Variants in PLXNA4 observed in about 807,000 individuals in gnomAD.
PLXNA4 encodes the protein plexin-A4.
Under a neutral mutation model 191.8 loss-of-function variants are expected in PLXNA4, and 44 were observed. The ratio of observed to expected loss-of-function variants is 0.23; its 90% CI spans 0.18 to 0.29. PLXNA4 has a LOEUF of 0.29. Ranked by LOEUF, PLXNA4 falls within the 10% of genes least tolerant of loss-of-function variation. The probability of loss-of-function intolerance (pLI) is 1.00; values close to 1 mark genes in which losing one functional copy is unlikely to be tolerated. For synonymous variants in PLXNA4, 1,082 were observed against 1,009.5 expected (o/e 1.07, Z -1.36); for missense variants, 1,800 against 2,488.8 (o/e 0.72, Z 5.89).
At chr7:132,262,957 G>C (rs1363427662) in intron 4 of PLXNA4, among the ~76,000 whole-genome samples, 1 of 152,162 alleles carries the variant, frequency 6.6e-6, no homozygotes, top group Non-Finnish European at 1.5e-5. Flanking sequence ...CAAATAGTGG[G>C]TGGCTCAGTG....
chr7:132,266,999 CA>C (rs1799882868), intron 4 of PLXNA4, among the ~76,000 whole-genome samples: 1 of 152,158 alleles, frequency 6.6e-6, no homozygotes, highest in South Asian at 2.1e-4. Context: ...CATCTAGCAG[CA>C]GACCATATAC....
chr7:132,124,124 C>T lies in PLXNA4; in HGVS notation c.*6355G>A, dbSNP rs961496167. On this transcript the variant is annotated 3_prime_UTR_variant, in exon 32 of 32. Transcript: ENST00000321063. ...AGCCAACACACGACTAAGCAAAGAC[C>T]GTATGTCTCAAGGACACCAGGCCAA... is the stretch of plus-strand genomic sequence containing the variant. The T allele has an allele frequency of 1.6e-4, 24 of 152,200 alleles. No homozygotes were observed. Among genetic ancestry groups the T allele is most frequent in the African/African-American group, 7.2e-5 (3 of 41,450 alleles). 9.4% of individuals were successfully genotyped at this position (152,200 alleles called of 1,614,324 possible).
rs375592352 is a variant in PLXNA4 at position 132,462,925 on chromosome 7, C to G, written c.1371+26367G>C. 3.8e-4 allele frequency among the ~76,000 whole-genome samples: 56 copies of G among 146,480 alleles called. 1 individual carries two copies. The East Asian group carries it at 7.1e-3, about 19-fold the overall frequency. On this transcript the variant is annotated intron_variant, in intron 3 of 31. Coordinates refer to ENST00000321063, the MANE Select transcript of PLXNA4 (RefSeq NM_020911.2). ...AGTACAATGGTGCAATCTTGGCTCACTGCAACCTCTGCCTGTCAGGTTCAA... is the reference window on the plus strand; with the variant it reads ...AGTACAATGGTGCAATCTTGGCTCAGTGCAACCTCTGCCTGTCAGGTTCAA...
intron 3 of PLXNA4, among the ~76,000 whole-genome samples, chr7:132,394,141 C>G (rs967362179): frequency 1.1e-4 from 17 of 152,150 alleles, no homozygotes; most frequent in African/African-American, 4.1e-4. Flanking sequence ...GGGAAGGGAA[C>G]AGTTTGTGCT....
At chr7:132,196,726 T>A (rs1797265146) in intron 13 of PLXNA4, among the ~76,000 whole-genome samples, 1 of 152,216 alleles carries the variant, frequency 6.6e-6, no homozygotes, top group Non-Finnish European at 1.5e-5. Context: ...CCTTACACCA[T>A]GAGTGAAGGA....
At chr7:132,286,424 G>A (rs898423801) in intron 4 of PLXNA4, among the ~76,000 whole-genome samples, 6 of 152,158 alleles carry the variant, frequency 3.9e-5, no homozygotes, top group African/African-American at 7.2e-5. Context: ...ACAGGACACC[G>A]GCGCTAAGTT....
intron 1 of PLXNA4, among the ~76,000 whole-genome samples, chr7:132,531,413 TAATAGTC>T (rs1799611377): frequency 6.6e-6 from 1 of 152,226 alleles, no homozygotes; most frequent in South Asian, 2.1e-4. Context: ...CTATTTCTCT[TAATAGTC>T]TATAAGGTAG....
Position 132,233,016 on chromosome 7 carries a change from C to A in PLXNA4, c.1605-4547G>T, listed in dbSNP as rs149520404. Among the ~76,000 whole-genome samples, 473 of 152,254 alleles carry A rather than the reference C, an allele frequency of 3.1e-3. 1 individual carries two copies. The highest frequency in any genetic ancestry group is 5.7e-3 in the Non-Finnish European group (388 of 68,024). ...CTCCCTACTTCTCCCTGCAGATGAT[C>A]CCCAATCCTTAACATTTCACATTTG... On this transcript the variant is annotated intron_variant, in intron 5 of 31. Coordinates refer to ENST00000321063, the MANE Select transcript of PLXNA4 (RefSeq NM_020911.2).
intron 14 of PLXNA4, among the ~76,000 whole-genome samples, chr7:132,189,030 AAGAGAG>A (rs3085197): frequency 0.015 from 896 of 61,694 alleles, 19 homozygotes; most frequent in Non-Finnish European, 0.02. Context: ...GAGAGAGAGA[AAGAGAG>A]AGAGAGAGAG....
intron 3 of PLXNA4, among the ~76,000 whole-genome samples, chr7:132,393,240 G>A (rs1205370076): frequency 3.9e-5 from 1 of 25,714 alleles, no homozygotes; most frequent in Non-Finnish European, 7.1e-5. Flanking sequence ...CACCCAAGAA[G>A]ACTCTCCCAC....
rs1178123734 is a variant in PLXNA4, at chr7:132,384,836, TTATCCTACCATA to T, written c.1372-86626_1372-86615del. ...CAGAAGTGGACAGATGAGCATAAGG[TTATCCTACCATA>T]TATCAGGCCCAAGAGATAACTATAT... is the stretch of plus-strand genomic sequence containing the variant. On this transcript the variant is annotated intron_variant, in intron 3 of 31. Transcript: ENST00000321063. 4.4e-6 allele frequency: 5 copies of T among 1,132,790 alleles called. No homozygotes were observed. The African/African-American group carries it at 5.1e-5, about 12-fold the overall frequency. The allele number at this position is 1,132,790 out of a possible 1,614,324, so 70.2% of individuals were successfully genotyped here.
chr7:132,465,791 C>A (rs1313807197), intron 3 of PLXNA4, among the ~76,000 whole-genome samples: 1 of 152,086 alleles, frequency 6.6e-6, no homozygotes, highest in Non-Finnish European at 1.5e-5. Flanking sequence ...GGAAAGAAAG[C>A]AGAAAGACCC....
intron 21 of PLXNA4, among the ~76,000 whole-genome samples, chr7:132,172,768 A>ATAAT (rs1456825589): frequency 6.6e-6 from 1 of 151,378 alleles, no homozygotes; most frequent in Non-Finnish European, 1.5e-5. Flanking sequence ...TATAATAATA[A>ATAAT]TAATAATAAT....
chr7:132,218,876 A>T (rs1798053001), intron 9 of PLXNA4, among the ~76,000 whole-genome samples: 2 of 152,236 alleles, frequency 1.3e-5, no homozygotes, highest in Non-Finnish European at 2.9e-5. Flanking sequence ...AATTGTAATT[A>T]TGGTAGAATA....
chr7:132,150,565 G>A (rs1449166193), intron 25 of PLXNA4, among the ~76,000 whole-genome samples: 1 of 152,232 alleles, frequency 6.6e-6, no homozygotes, highest in Non-Finnish European at 1.5e-5. Flanking sequence ...ATTTAGGGTA[G>A]GGAGAGGGAT....
intron 3 of PLXNA4, among the ~76,000 whole-genome samples, chr7:132,322,184 C>CTGTCTTTTTTTTTTTTTTTTT (rs376377991): frequency 4.9e-5 from 6 of 122,494 alleles, no homozygotes; most frequent in African/African-American, 1.5e-4. Flanking sequence ...CCTAAAAGGG[C>CTGTCTTTTTTTTTTTTTTTTT]TTTTTTTTTT....
rs1326211114 is a variant in PLXNA4 at position 132,128,035 on chromosome 7, G to A, written c.*2444C>T. ...TCAAAATGCACTCACTCATACACAC[G>A]TTCACACACGCAGCTTCCATCCAGC... On this transcript the variant is annotated 3_prime_UTR_variant, in exon 32 of 32. Coordinates refer to ENST00000321063, the MANE Select transcript of PLXNA4 (RefSeq NM_020911.2). 3 of 140,388 alleles carry A rather than the reference G, an allele frequency of 2.1e-5. No homozygotes were observed. Among genetic ancestry groups the A allele is most frequent in the Non-Finnish European group, 3.0e-5 (2 of 66,430 alleles). 8.7% of individuals were successfully genotyped at this position (140,388 alleles called of 1,614,324 possible).
intron 25 of PLXNA4, among the ~76,000 whole-genome samples, chr7:132,158,733 C>A (rs1211452787): frequency 6.6e-6 from 1 of 152,174 alleles, no homozygotes; most frequent in Non-Finnish European, 1.5e-5. Context: ...GTGTTTGATG[C>A]TGGCCCTCAA....
At chr7:132,582,784 G>T (rs1204102254) in intron 2 of PLXNA4, among the ~76,000 whole-genome samples, 2 of 152,220 alleles carry the variant, frequency 1.3e-5, no homozygotes, top group African/African-American at 4.8e-5. Flanking sequence ...ACAGTGATTT[G>T]CAGGGAAGAT....
Sources: allele counts gnomAD v4.1 joint callset (sites outside exome capture counted in the v4.1 genomes callset), GRCh38; gene constraint gnomAD v4.1.1; transcripts MANE v1.5; gene names NCBI Gene and HGNC (gene_info 2026-07-23, HGNC 2026-07-21).